CACNA2D1: variants seen among roughly 807,000 people sequenced by gnomAD.
The protein encoded by CACNA2D1 is calcium voltage-gated channel auxiliary subunit alpha2delta 1, also known as voltage-dependent calcium channel subunit alpha-2/delta-1.
Under a neutral mutation model 171.5 loss-of-function variants are expected in CACNA2D1, and 53 were observed. The observed-to-expected ratio is 0.31, with a 90% CI of 0.25 to 0.39. The LOEUF is 0.39. CACNA2D1 is among the 10% of genes least tolerant of loss of function. The pLI, the probability that CACNA2D1 is intolerant of heterozygous loss-of-function variation, is 1.00. For missense variants in CACNA2D1, 903 were observed against 1,299.8 expected (o/e 0.69, Z 4.69); for synonymous variants, 442 against 443.1 (o/e 1.00, Z 0.03).
chr7:82,252,719 G>A (rs142398515), intron 3 of CACNA2D1, among the ~76,000 whole-genome samples: 1,662 of 152,032 alleles, frequency 0.011, 22 homozygotes, highest in African/African-American at 0.038. Context: ...GTGAAACCCT[G>A]TCTCTACTAA....
intron 1 of CACNA2D1, among the ~76,000 whole-genome samples, chr7:82,366,886 C>A (rs1306291236): frequency 6.3e-5 from 8 of 127,084 alleles, no homozygotes; most frequent in Non-Finnish European, 1.3e-4. Flanking sequence ...GCCCTGCCAG[C>A]ATCCACTGGT....
chr7:82,392,491 A>C (rs576194758), intron 1 of CACNA2D1, among the ~76,000 whole-genome samples: 2 of 152,296 alleles, frequency 1.3e-5, no homozygotes, highest in African/African-American at 4.8e-5. Context: ...GCCGTAATGC[A>C]GGGGGGCTGG....
intron 3 of CACNA2D1, among the ~76,000 whole-genome samples, chr7:82,309,792 G>T (rs1814202240): frequency 6.6e-6 from 1 of 152,062 alleles, no homozygotes. Context: ...TTGTAAACCT[G>T]GTATATGGAT....
chr7:82,315,195 G>C (rs1814969515), intron 3 of CACNA2D1, among the ~76,000 whole-genome samples: 1 of 151,982 alleles, frequency 6.6e-6, no homozygotes, highest in Non-Finnish European at 1.5e-5. Context: ...GTATCAATTG[G>C]ATTTAGGAGG....
intron 2 of CACNA2D1, among the ~76,000 whole-genome samples, chr7:82,341,008 A>G (rs1343647297): frequency 1.3e-5 from 2 of 152,198 alleles, no homozygotes; most frequent in African/African-American, 4.8e-5. Context: ...AGATACCCAC[A>G]AAATCAATTT....
intron 1 of CACNA2D1, among the ~76,000 whole-genome samples, chr7:82,412,751 T>G (rs1364310005): frequency 6.6e-6 from 1 of 151,820 alleles, no homozygotes; most frequent in East Asian, 2.0e-4. Context: ...TCATCAATTC[T>G]TGGTCTAAGT....
chr7:82,382,989 A>T (rs1823878868), intron 1 of CACNA2D1, among the ~76,000 whole-genome samples: 1 of 152,220 alleles, frequency 6.6e-6, no homozygotes, highest in Admixed American at 6.5e-5. Context: ...ACTTCTGTTG[A>T]AATGGTATTG....
intron 4 of CACNA2D1, among the ~76,000 whole-genome samples, chr7:82,148,839 G>A (rs1477161686): frequency 6.6e-6 from 1 of 152,078 alleles, no homozygotes; most frequent in African/African-American, 2.4e-5. Context: ...GTTTCACCAT[G>A]TTGGCCAGGC....
intron 3 of CACNA2D1, among the ~76,000 whole-genome samples, chr7:82,330,743 G>A (rs1439165270): frequency 6.6e-6 from 1 of 152,084 alleles, no homozygotes; most frequent in Non-Finnish European, 1.5e-5. Flanking sequence ...TATTCAGCAT[G>A]GATGAATAGA....
intron 3 of CACNA2D1, among the ~76,000 whole-genome samples, chr7:82,248,410 C>A (rs936614071): frequency 6.6e-6 from 1 of 152,040 alleles, no homozygotes; most frequent in African/African-American, 2.4e-5. Context: ...CCAGGGGTGA[C>A]CCCATTTGAA....
intron 11 of CACNA2D1, among the ~76,000 whole-genome samples, chr7:82,034,724 A>G (rs1223715893): frequency 6.6e-6 from 1 of 152,104 alleles, no homozygotes; most frequent in Non-Finnish European, 1.5e-5. Flanking sequence ...ATGTTAAACA[A>G]AACCATAGGA....
At chr7:81,953,526 A>C (rs975400436) in intron 38 of CACNA2D1, among the ~76,000 whole-genome samples, 1 of 151,554 alleles carries the variant, frequency 6.6e-6, no homozygotes, top group African/African-American at 2.4e-5. Context: ...CAGATAAAAA[A>C]CAGGGTACCA....
intron 3 of CACNA2D1, among the ~76,000 whole-genome samples, chr7:82,280,498 C>T (rs981864250): frequency 1.3e-5 from 2 of 152,092 alleles, no homozygotes; most frequent in Non-Finnish European, 2.9e-5. Flanking sequence ...GGCCTGTCTT[C>T]CTACTCCCAA....
intron 12 of CACNA2D1, 88 bp from the exon 13 acceptor site, chr7:82,014,567 G>T: frequency 1.3e-6 from 1 of 766,882 alleles, no homozygotes; most frequent in South Asian, 1.4e-5. Context: ...CTATTGAAAA[G>T]AGTGCTTTCC....
intron 1 of CACNA2D1, among the ~76,000 whole-genome samples, chr7:82,363,254 C>CTCTTTTTTTTTTTTTTTTTTTTTT (rs1821286522): frequency 1.6e-5 from 1 of 63,420 alleles, no homozygotes; most frequent in African/African-American, 8.4e-5. Context: ...TTATTTGTCT[C>CTCTTTTTTTTTTTTTTTTTTTTTT]TTTTTTTTTT....
At chr7:82,112,293 G>A (rs929764209) in intron 6 of CACNA2D1, among the ~76,000 whole-genome samples, 4 of 151,988 alleles carry the variant, frequency 2.6e-5, no homozygotes, top group East Asian at 1.9e-4. Context: ...TTGCTCTCAC[G>A]TCTTCTCATT....
At chr7:82,363,516 C>T (rs755786432) in intron 1 of CACNA2D1, among the ~76,000 whole-genome samples, 3 of 152,012 alleles carry the variant, frequency 2.0e-5, no homozygotes, top group African/African-American at 2.4e-5. Flanking sequence ...CCACCAGCCT[C>T]GGCCTCCCAA....
intron 4 of CACNA2D1, among the ~76,000 whole-genome samples, chr7:82,150,266 AAAAC>A (rs1793680479): frequency 2.3e-5 from 2 of 87,156 alleles, no homozygotes; most frequent in African/African-American, 1.5e-4. Context: ...TTAAAAAAAA[AAAAC>A]AAAAACAACA....
intron 3 of CACNA2D1, among the ~76,000 whole-genome samples, chr7:82,224,370 A>G (rs1255772978): frequency 1.3e-5 from 2 of 152,018 alleles, no homozygotes; most frequent in Admixed American, 6.6e-5. Context: ...GGCGGATCAC[A>G]AGGTCAAGGA....
Sources: gnomAD v4.1 joint callset for allele counts (sites outside exome capture counted in the v4.1 genomes callset) on GRCh38, gnomAD v4.1.1 for gene constraint, MANE v1.5 for transcripts, NCBI Gene and HGNC (gene_info 2026-07-23, HGNC 2026-07-21) for gene names.